CC2D1B: variants seen among roughly 807,000 people sequenced by gnomAD.
The protein encoded by CC2D1B is coiled-coil and C2 domain containing 1B.
CC2D1B carries 92 observed loss-of-function variants against 110.8 expected under a neutral mutation model. The ratio of observed to expected loss-of-function variants is 0.83; its 90% CI spans 0.70 to 0.99. The LOEUF is 0.99. Among genes scored for constraint, CC2D1B ranks in the 50% least tolerant of loss-of-function variants. The probability of loss-of-function intolerance (pLI) is 0.00; values close to 1 mark genes in which losing one functional copy is unlikely to be tolerated. For synonymous variants in CC2D1B, 406 were observed against 429.2 expected, an observed-to-expected ratio of 0.95 and a Z score of 0.67; for missense variants, 1,136 against 1,089.0, an observed-to-expected ratio of 1.04 and a Z score of -0.61.
Position 52,359,651 on chromosome 1 carries a change from C to T in CC2D1B, c.942+54G>A, listed in dbSNP as rs149537708. 7.9e-5 allele frequency: 123 copies of T among 1,549,256 alleles called. No individual in the cohort carries two copies. In the African/African-American group the frequency reaches 1.6e-3, roughly 20 times the overall value. ...ATCTCAGTCTAGCTCCCTTTCTGAG[C>T]CTGTTTCCCCTATCTATAAAATGAG... On this transcript the variant is annotated intron_variant, in intron 8 of 24. Transcript: ENST00000284376.
At chr1:52,362,484 G>T in intron 3 of CC2D1B, 118 bp downstream of exon 3, 1 of 1,212,718 alleles carries the variant, frequency 8.2e-7, no homozygotes, top group Non-Finnish European at 1.2e-6. Flanking sequence ...TGCGGCAGAT[G>T]GGTATTGGAA....
intron 2 of CC2D1B, among the ~76,000 whole-genome samples, chr1:52,363,197 A>G (rs2147897326): frequency 6.6e-6 from 1 of 152,124 alleles, no homozygotes. Context: ...GATGGAGACC[A>G]TCCTGGCTAA....
In CC2D1B at chr1:52,364,569, C is replaced by A; in HGVS notation, c.52G>T (p.Val18Leu). Residue 18 changes from valine to leucine, a missense_variant, in exon 2 of 25, where the codon GTG becomes TTG. Physicochemically the swap from Val to Leu is conservative, Grantham distance 32 (BLOSUM62 1). Transcript: ENST00000284376. ...RKGPQARGQG[V>L]AAAKQMGLFM... is the part of the protein sequence containing the mutation. ...TTCCATACCTGCTTGGCAGCGGCCA[C>A]CCCTTGGCCTCTGGCCTGAGGGCCC... 9.3e-6 allele frequency: 15 copies of A among 1,605,832 alleles called. No homozygotes were observed. The highest frequency in any genetic ancestry group is 1.3e-5 in the Non-Finnish European group (15 of 1,173,606).
rs1646612321 is a variant in CC2D1B at position 52,354,870 on chromosome 1, T to G, written c.2309A>C (p.Lys770Thr). The change falls in exon 22 of 25, where the codon AAA (lysine) becomes ACA (threonine). Residue 770 changes from lysine (K) to threonine (T), a missense_variant. Physicochemically the swap from Lys to Thr is moderately conservative, Grantham distance 78. Transcript: ENST00000284376. The part of the protein sequence containing the change: ...HRGFKRVIQS[K>T]GIKFEIFHKG... ...GTGGAAGATCTCAAACTTGATGCCT[T>G]TGCTCTGGATCACCCTCTTGAAGCC... is the stretch of plus-strand genomic sequence containing the variant. 6.2e-7 allele frequency: 1 copy of G among 1,614,108 alleles called. No individual in the cohort carries two copies.
chr1:52,355,113 ACT>A, intron 21 of CC2D1B, 174 bp from the exon 22 acceptor site: 1 of 640,580 alleles, frequency 1.6e-6, no homozygotes, highest in Non-Finnish European at 2.8e-6. Flanking sequence ...GAGTTTTTGT[ACT>A]CTTTTTAGTC....
At chr1:52,359,189 G>T in intron 10 of CC2D1B, 32 bp from the exon 11 acceptor site, 1 of 1,610,106 alleles carries the variant, frequency 6.2e-7, no homozygotes. Flanking sequence ...GTGGGCATCA[G>T]GTCAGCCTGC....
intron 24 of CC2D1B, 52 bp from the exon 25 acceptor site, chr1:52,353,275 CAA>C: frequency 6.9e-7 from 1 of 1,443,424 alleles, no homozygotes; most frequent in Non-Finnish European, 9.2e-7. Flanking sequence ...AGTGAAAACA[CAA>C]AGATTTTAGA....
At chr1:52,361,426 G>A (rs1646780144) in intron 4 of CC2D1B, 87 bp downstream of exon 4, 5 of 1,582,770 alleles carry the variant, frequency 3.2e-6, no homozygotes, top group Non-Finnish European at 4.3e-6. Flanking sequence ...GAATACAGGG[G>A]CACCCCCAGC....
In CC2D1B at chr1:52,359,818, G is replaced by C; in HGVS notation, c.829C>G (p.Pro277Ala). Residue 277 changes from proline to alanine, a missense_variant, in exon 8 of 25, where the codon CCA becomes GCA. Physicochemically the swap from Pro to Ala is conservative, Grantham distance 27. Coordinates refer to ENST00000284376, the MANE Select transcript of CC2D1B (RefSeq NM_001330585.2). ...ISAQPVSDLD[P>A]DPRALLSSRQ... is the part of the protein sequence containing the mutation. Reference sequence around the variant, plus strand: ...GATGACAGCAGGGCCCGCGGGTCTGGGTCTAAGTCTGAAACGGGCTGGGCA... The same window carrying C: ...GATGACAGCAGGGCCCGCGGGTCTGCGTCTAAGTCTGAAACGGGCTGGGCA... The C allele has an allele frequency of 6.2e-7, 1 of 1,611,848 alleles. No individual in the cohort carries two copies. Among genetic ancestry groups the C allele is most frequent in the South Asian group, 1.1e-5 (1 of 90,476 alleles).
intron 14 of CC2D1B, 35 bp downstream of exon 14, chr1:52,357,746 C>T (rs761638132): frequency 1.2e-6 from 2 of 1,604,402 alleles, no homozygotes; most frequent in Middle Eastern, 1.7e-4. Flanking sequence ...CCTCTCTAGG[C>T]CCTCAGTTCT....
At chr1:52,353,432 CT>C in intron 24 of CC2D1B, 85 bp downstream of exon 24, 1 of 1,528,550 alleles carries the variant, frequency 6.5e-7, no homozygotes, top group Admixed American at 2.2e-5. Flanking sequence ...TGAGAAACTC[CT>C]AGGTTTTCTC....
intron 3 of CC2D1B, among the ~76,000 whole-genome samples, chr1:52,362,187 A>G (rs557624846): frequency 6.6e-6 from 1 of 152,242 alleles, no homozygotes; most frequent in East Asian, 1.9e-4. Flanking sequence ...CGGTGAAAAG[A>G]GAGGACGATT....
intron 3 of CC2D1B, among the ~76,000 whole-genome samples, chr1:52,362,351 G>A (rs79917002): frequency 0.012 from 1,850 of 152,290 alleles, 32 homozygotes; most frequent in African/African-American, 0.042. Flanking sequence ...CCAATACCGT[G>A]GCTAGGGCTA....
At chr1:52,362,482 A>C in intron 3 of CC2D1B, 120 bp downstream of exon 3, 2 of 1,201,702 alleles carry the variant, frequency 1.7e-6, no homozygotes, top group South Asian at 2.8e-5. Flanking sequence ...AGTGCGGCAG[A>C]TGGGTATTGG....
rs751426120 is a variant in CC2D1B at position 52,358,364 on chromosome 1, C to T, written c.1428G>A (p.Glu476=). The T allele has an allele frequency of 1.9e-6, 3 of 1,614,044 alleles. No individual in the cohort carries two copies. In the African/African-American group the frequency reaches 4.0e-5, roughly 22 times the overall value. Residue 476 remains glutamate (E), a synonymous_variant, in exon 13 of 25, where the codon GAG becomes GAA. Transcript: ENST00000284376. The part of the protein sequence containing the change: ...LAAAEKLASA[E]DSAPADKDED... ...CGTCTTTATCAGCCGGGGCTGAATCCTCTGCAGAGGCCAGTTTCTCTGCAG... is the reference window on the plus strand; with the variant it reads ...CGTCTTTATCAGCCGGGGCTGAATCTTCTGCAGAGGCCAGTTTCTCTGCAG...
chr1:52,363,788 C>T (rs1646832821), intron 2 of CC2D1B, among the ~76,000 whole-genome samples: 1 of 151,758 alleles, frequency 6.6e-6, no homozygotes, highest in Admixed American at 6.6e-5. Flanking sequence ...CTAAGCGATT[C>T]TCCTGCCTCA....
intron 15 of CC2D1B, 92 bp from the exon 16 acceptor site, chr1:52,357,218 T>A (rs1646673319): frequency 6.9e-7 from 1 of 1,459,678 alleles, no homozygotes; most frequent in African/African-American, 1.4e-5. Flanking sequence ...AAGTAATTCT[T>A]CAGCTTCTAC....
chr1:52,355,795 C>T lies in CC2D1B; in HGVS notation c.2104G>A (p.Gly702Arg). 1 of 1,614,124 alleles carries T rather than the reference C, an allele frequency of 6.2e-7. No individual in the cohort carries two copies. Among genetic ancestry groups the T allele is most frequent in the Non-Finnish European group, 8.5e-7 (1 of 1,180,030 alleles). ...CCTGGAGGGGCTGGGAGGTTCATTC[C>T]CCGGACAATGATCAGATGCATTTCT... Reference protein sequence around the residue: ...STEMHLIIVRGMNLPAPPGVT... With the variant: ...STEMHLIIVRRMNLPAPPGVT... Residue 702 changes from glycine to arginine, a missense_variant, in exon 19 of 25, where the codon GGA becomes AGA. Physicochemically the swap from Gly to Arg is moderately radical, Grantham distance 125 (BLOSUM62 -2). Coordinates refer to ENST00000284376, the MANE Select transcript of CC2D1B (RefSeq NM_001330585.2).
At chr1:52,360,024 G>A (rs760414680) in intron 7 of CC2D1B, 50 bp downstream of exon 7, 12 of 1,549,886 alleles carry the variant, frequency 7.7e-6, no homozygotes, top group Admixed American at 1.9e-5. Flanking sequence ...GACACACGCT[G>A]TGGGCTATGA....
Sources: allele counts gnomAD v4.1 joint callset (sites outside exome capture counted in the v4.1 genomes callset), GRCh38; gene constraint gnomAD v4.1.1; transcripts MANE v1.5; gene names NCBI Gene and HGNC (gene_info 2026-07-23, HGNC 2026-07-21).